The following ZNF782 variants were observed in gnomAD, a reference collection of about 807,000 sequenced individuals.
ZNF782 encodes the protein zinc finger protein 782.
ZNF782 carries 12 observed loss-of-function variants against 13.0 expected under a neutral mutation model. The ratio of observed to expected loss-of-function variants is 0.92; its 90% CI spans 0.59 to 1.50. The LOEUF (loss-of-function observed/expected upper bound fraction) is 1.50, where lower values mean the gene tolerates loss of function less well. ZNF782 is among the 40% of genes most tolerant of loss of function. The probability of loss-of-function intolerance (pLI) is 0.00; values close to 1 mark genes in which losing one functional copy is unlikely to be tolerated. For synonymous variants in ZNF782, 284 were observed against 283.0 expected (o/e 1.00, Z -0.04); for missense variants, 770 against 822.9 (o/e 0.94, Z 0.79).
At chr9:96,848,591 A>C (rs1485697924) in intron 3 of ZNF782, among the ~76,000 whole-genome samples, 1 of 152,026 alleles carries the variant, frequency 6.6e-6, no homozygotes, top group Non-Finnish European at 1.5e-5. Flanking sequence ...CACCACCACC[A>C]CCAAAAAAAC....
chr9:96,894,374 T>A, the ZNF782 span: 1 of 152,070 alleles, frequency 6.6e-6, no homozygotes, highest in Non-Finnish European at 1.5e-5. Context: ...CAATATCTGA[T>A]CATCCTCCAT....
At chr9:96,885,109 T>A in the ZNF782 span, among the ~76,000 whole-genome samples, 1 of 151,196 alleles carries the variant, frequency 6.6e-6, no homozygotes, top group Non-Finnish European at 1.5e-5. Flanking sequence ...TGGGATACAA[T>A]TAAAAAAATG....
At chr9:96,899,720 G>C in the ZNF782 span, among the ~76,000 whole-genome samples, 5 of 152,202 alleles carry the variant, frequency 3.3e-5, no homozygotes, top group Non-Finnish European at 7.3e-5. Context: ...ATGTTAGCTA[G>C]ATGGTAAACC....
At position 96,831,159 on chromosome 9, in the gene ZNF782, G is replaced by A. The variant is rs536897066; in HGVS notation, c.143-3978C>T. 1.0e-3 allele frequency among the ~76,000 whole-genome samples: 154 copies of A among 152,294 alleles called. 1 individual carries two copies. Among genetic ancestry groups the A allele is most frequent in the African/African-American group, 3.6e-3 (148 of 41,560 alleles). ...CTAAAAAGAAATGATAGCTTACCAA[G>A]TTAGTGACTGCCATGAGTTAAGGGA... On this transcript the variant is annotated intron_variant, in intron 4 of 5. Coordinates refer to ENST00000481138, the MANE Select transcript of ZNF782 (RefSeq NM_001001662.3).
upstream of ZNF782, among the ~76,000 whole-genome samples, chr9:96,856,075 CTT>C (rs1199421657): frequency 6.6e-6 from 1 of 152,038 alleles, no homozygotes; most frequent in Admixed American, 6.5e-5. Context: ...CCTTAGCCCA[CTT>C]TTTGATGGGA....
chr9:96,888,245 T>C, the ZNF782 span: 1 of 150,964 alleles, frequency 6.6e-6, no homozygotes, highest in Non-Finnish European at 1.5e-5. Flanking sequence ...AAAGTAGAAG[T>C]CGCTATATTA....
At chr9:96,918,762 CGAG>C in the ZNF782 span, 1 of 162,734 alleles carries the variant, frequency 6.1e-6, no homozygotes, top group African/African-American at 2.4e-5. Flanking sequence ...ACTTGTGTGC[CGAG>C]GAGACTCCCT....
chr9:96,851,339 A>G (rs1229164996), intron 3 of ZNF782, among the ~76,000 whole-genome samples: 1 of 152,196 alleles, frequency 6.6e-6, no homozygotes, highest in Non-Finnish European at 1.5e-5. Context: ...TCTTCACACA[A>G]AAAGTCTTCG....
chr9:96,834,415 T>C (rs1850917583), intron 4 of ZNF782, among the ~76,000 whole-genome samples: 1 of 152,188 alleles, frequency 6.6e-6, no homozygotes, highest in Admixed American at 6.5e-5. Flanking sequence ...CCTTTATATA[T>C]TACCCAGTCT....
At chr9:96,923,848 C>CTT in the ZNF782 span, among the ~76,000 whole-genome samples, 7 of 137,654 alleles carry the variant, frequency 5.1e-5, no homozygotes, top group East Asian at 3.2e-4. Flanking sequence ...TTTACTTTTC[C>CTT]TTTTTTTTTT....
At chr9:96,823,427 A>C (rs554057682) in intron 5 of ZNF782, among the ~76,000 whole-genome samples, 1 of 152,222 alleles carries the variant, frequency 6.6e-6, no homozygotes, top group South Asian at 2.1e-4. Context: ...CCTGATGAAA[A>C]TTTAGTGCAC....
the ZNF782 span, among the ~76,000 whole-genome samples, chr9:96,886,568 C>T: frequency 6.6e-6 from 1 of 152,126 alleles, no homozygotes; most frequent in Non-Finnish European, 1.5e-5. Flanking sequence ...TGATGAGTTA[C>T]ATATGTGTAT....
chr9:96,910,642 TTTTC>T, the ZNF782 span, among the ~76,000 whole-genome samples: 2 of 150,442 alleles, frequency 1.3e-5, no homozygotes, highest in African/African-American at 4.9e-5. Context: ...TTTTTTTCTT[TTTTC>T]TTTTTTTTGA....
At chr9:96,827,253 A>G (rs1055622628) in intron 4 of ZNF782, 72 bp from the exon 5 acceptor site, 65 of 1,115,892 alleles carry the variant, frequency 5.8e-5, no homozygotes, top group Non-Finnish European at 8.1e-5. Context: ...TGAAGAAGGT[A>G]CAGCTTCAGA....
the ZNF782 span, among the ~76,000 whole-genome samples, chr9:96,900,091 A>AAGGTT: frequency 6.6e-6 from 1 of 151,954 alleles, no homozygotes; most frequent in Non-Finnish European, 1.5e-5. Context: ...GAGCCATTGT[A>AAGGTT]CCAGGCCAAA....
intron 5 of ZNF782, among the ~76,000 whole-genome samples, chr9:96,825,791 TG>T (rs1475376007): frequency 1.1e-4 from 17 of 151,906 alleles, no homozygotes; most frequent in Non-Finnish European, 2.2e-4. Flanking sequence ...AAAAGACACA[TG>T]AAAAAATGCT....
At chr9:96,819,952 A>AT (rs11327186) in intron 5 of ZNF782, among the ~76,000 whole-genome samples, 174 bp from the exon 6 acceptor site, 10 of 151,704 alleles carry the variant, frequency 6.6e-5, no homozygotes, top group African/African-American at 1.5e-4. Flanking sequence ...TTTAGCTTAA[A>AT]TTTTTTTTTG....
chr9:96,821,959 T>C (rs896425774), intron 5 of ZNF782, among the ~76,000 whole-genome samples: 3 of 152,212 alleles, frequency 2.0e-5, no homozygotes, highest in Non-Finnish European at 4.4e-5. Flanking sequence ...CCACCGCGCC[T>C]GGCCAATAGT....
At chr9:96,843,918 C>CAAACAAAAATACTAAAAACTAAACG (rs1851263438) in intron 4 of ZNF782, among the ~76,000 whole-genome samples, 1 of 151,984 alleles carries the variant, frequency 6.6e-6, no homozygotes, top group African/African-American at 2.4e-5. Flanking sequence ...TTCAACTAAA[C>CAAACAAAAATACTAAAAACTAAACG]AAACAAAAAT....
Sources: gnomAD v4.1 joint callset for allele counts (sites outside exome capture counted in the v4.1 genomes callset) on GRCh38, gnomAD v4.1.1 for gene constraint, MANE v1.5 for transcripts, NCBI Gene and HGNC (gene_info 2026-07-23, HGNC 2026-07-21) for gene names.